Variants in NCOA3 observed in about 807,000 individuals in gnomAD.
NCOA3 encodes CBP-interacting protein.
A neutral mutation model predicts 158.8 loss-of-function variants in NCOA3; 51 were observed. That is an observed-to-expected ratio of 0.32 (90% CI 0.26 to 0.41). The LOEUF (loss-of-function observed/expected upper bound fraction) is 0.41, where lower values mean the gene tolerates loss of function less well. Ranked by LOEUF, NCOA3 falls within the 10% of genes least tolerant of loss-of-function variation. The pLI is 1.00. For synonymous variants in NCOA3, 537 were observed against 592.4 expected (o/e 0.91, Z 1.36); for missense variants, 1,510 against 1,746.6 (o/e 0.86, Z 2.41).
chr20:47,528,924 G>A (rs1019315128), intron 1 of NCOA3, among the ~76,000 whole-genome samples: 6 of 151,514 alleles, frequency 4.0e-5, no homozygotes, highest in African/African-American at 1.5e-4. Flanking sequence ...CAGCCACCAC[G>A]TCCAGCTAAT....
intron 1 of NCOA3, among the ~76,000 whole-genome samples, chr20:47,524,274 A>T (rs1043304429): frequency 1.4e-5 from 2 of 146,390 alleles, no homozygotes; most frequent in Non-Finnish European, 3.0e-5. Context: ...ATCTTTTCTA[A>T]CATACCTGTT....
At position 47,636,043 on chromosome 20, in the gene NCOA3, A is replaced by C; in HGVS notation, c.1657A>C (p.Asn553His). The C allele has an allele frequency of 6.2e-7, 1 of 1,614,154 alleles. No homozygotes were observed. The highest frequency in any genetic ancestry group is 8.5e-7 in the Non-Finnish European group (1 of 1,180,018). Residue 553 changes from asparagine (N) to histidine (H), a missense_variant, in exon 12 of 23, where the codon AAT becomes CAT. By Grantham distance (68) the Asn-to-His change is moderately conservative. This residue lies in a region of NCOA3 where 1,017 missense variants were observed against 1,098.3 expected (regional missense o/e 0.93). Coordinates refer to ENST00000371998, the MANE Select transcript of NCOA3 (RefSeq NM_181659.3). Reference sequence around the variant, plus strand: ...AGGCCCCAAATTGGATAACTCTCCCAATATGAATATTACCCAACCAAGTAA... The same window carrying C: ...AGGCCCCAAATTGGATAACTCTCCCCATATGAATATTACCCAACCAAGTAA... ...SPGPKLDNSP[N>H]MNITQPSKVS...
Position 47,512,935 on chromosome 20 carries a change from T to C in NCOA3, c.-99+10916T>C, listed in dbSNP as rs570387558. On this transcript the variant is annotated intron_variant, in intron 1 of 22. Coordinates refer to ENST00000371998, the MANE Select transcript of NCOA3 (RefSeq NM_181659.3). The stretch of plus-strand genomic sequence containing the variant: ...CACTTTGGAAGGCTGAGGTGGGGGA[T>C]CACTTGAGATCAGGAGTTTGAGACC... 2.0e-5 allele frequency among the ~76,000 whole-genome samples: 3 copies of C among 152,076 alleles called. No individual in the cohort carries two copies. The South Asian group carries it at 6.2e-4, about 32-fold the overall frequency.
At chr20:47,616,989 C>G (rs2086150125) in intron 2 of NCOA3, among the ~76,000 whole-genome samples, 1 of 152,134 alleles carries the variant, frequency 6.6e-6, no homozygotes, top group South Asian at 2.1e-4. Context: ...GAGTCTCACT[C>G]TGTCATCCAG....
At chr20:47,653,306 C>A in intron 22 of NCOA3, 100 bp from the exon 23 acceptor site, 1 of 1,409,584 alleles carries the variant, frequency 7.1e-7, no homozygotes, top group Non-Finnish European at 9.8e-7. Context: ...GCCAGAGCTG[C>A]ACTGTAAGCC....
intron 1 of NCOA3, 127 bp downstream of exon 1, chr20:47,502,146 CGCCG>C (rs2083942274): frequency 2.5e-6 from 1 of 397,304 alleles, no homozygotes; most frequent in Non-Finnish European, 4.4e-6. Flanking sequence ...CTGAGGGGCG[CGCCG>C]GCCGGGGGAC....
At chr20:47,525,223 CAT>C (rs1401236384) in intron 1 of NCOA3, among the ~76,000 whole-genome samples, 1 of 151,768 alleles carries the variant, frequency 6.6e-6, no homozygotes, top group Non-Finnish European at 1.5e-5. Context: ...GGACACAGCA[CAT>C]GTTTCAGAGA....
At chr20:47,561,745 A>G (rs1175340358) in intron 1 of NCOA3, among the ~76,000 whole-genome samples, 1 of 152,172 alleles carries the variant, frequency 6.6e-6, no homozygotes, top group Non-Finnish European at 1.5e-5. Flanking sequence ...GATTTGTTAT[A>G]GTTGATGAAT....
In NCOA3 at chr20:47,606,948, A is replaced by G. The variant is rs905106723; in HGVS notation, c.-19-15281A>G. On this transcript the variant is annotated intron_variant, in intron 2 of 22. Coordinates refer to ENST00000371998, the MANE Select transcript of NCOA3 (RefSeq NM_181659.3). The stretch of plus-strand genomic sequence containing the variant: ...AGCCTTTTATTACTTTCCTGATGAG[A>G]TGGGTGGTGACATTAATGAATGTGG... Among the ~76,000 whole-genome samples, 3 of 152,164 alleles carry G rather than the reference A, an allele frequency of 2.0e-5. No homozygotes were observed. In the South Asian group the frequency reaches 6.2e-4, roughly 32 times the overall value.
chr20:47,647,887 T>G (rs761381287), intron 18 of NCOA3, among the ~76,000 whole-genome samples: 46 of 111,732 alleles, frequency 4.1e-4, no homozygotes, highest in Non-Finnish European at 8.4e-4. Context: ...ATGCCTGAGG[T>G]TTTTTTTTTG....
intron 1 of NCOA3, among the ~76,000 whole-genome samples, chr20:47,554,759 T>C (rs2146165203): frequency 6.6e-6 from 1 of 152,150 alleles, no homozygotes; most frequent in East Asian, 1.9e-4. Flanking sequence ...GAAGAATCAA[T>C]ATCGTGAAAA....
intron 17 of NCOA3, among the ~76,000 whole-genome samples, chr20:47,643,978 G>A (rs1377537690): frequency 1.3e-5 from 2 of 150,502 alleles, no homozygotes; most frequent in African/African-American, 2.4e-5. Flanking sequence ...TCTTGGTATG[G>A]GTCTTTTTTC....
chr20:47,647,000 CT>C, intron 17 of NCOA3, 72 bp from the exon 18 acceptor site: 1 of 1,437,282 alleles, frequency 7.0e-7, no homozygotes, highest in Non-Finnish European at 9.5e-7. Flanking sequence ...GTTTTTTGCA[CT>C]TTCTTTAGAG....
At position 47,649,020 on chromosome 20, in the gene NCOA3, C is replaced by A. The variant is rs997500795; in HGVS notation, c.3562C>A (p.Arg1188=). ...CTCACCTCAGTTTTTGAATCAGAGC[C>A]GACAGGCACTTGAATTGAAAATGGA... is the stretch of plus-strand genomic sequence containing the variant. ...LQGQQFLNQS[R]QALELKMENP... The change falls in exon 19 of 23, where the codon CGA becomes AGA. Residue 1188 remains arginine, a synonymous_variant. Coordinates refer to ENST00000371998, the MANE Select transcript of NCOA3 (RefSeq NM_181659.3). 1.9e-6 allele frequency: 3 copies of A among 1,612,906 alleles called. No homozygotes were observed. The highest frequency in any genetic ancestry group is 2.5e-6 in the Non-Finnish European group (3 of 1,179,244).
intron 1 of NCOA3, among the ~76,000 whole-genome samples, chr20:47,519,969 G>A (rs2084299735): frequency 6.8e-6 from 1 of 147,742 alleles, no homozygotes; most frequent in Non-Finnish European, 1.5e-5. Flanking sequence ...TCACCATGTT[G>A]GTCAGGCTGG....
intron 1 of NCOA3, among the ~76,000 whole-genome samples, chr20:47,531,449 G>A (rs2084545743): frequency 3.3e-5 from 5 of 152,176 alleles, no homozygotes; most frequent in Admixed American, 3.3e-4. Flanking sequence ...TCAAAGTGAT[G>A]AAACAGATGT....
intron 2 of NCOA3, among the ~76,000 whole-genome samples, chr20:47,615,984 C>T (rs1449561513): frequency 6.6e-6 from 1 of 151,718 alleles, no homozygotes; most frequent in African/African-American, 2.4e-5. Context: ...ATGGTGAAAC[C>T]CCATCTCTAC....
intron 1 of NCOA3, among the ~76,000 whole-genome samples, chr20:47,514,713 CTTTTTTTTTTTT>C (rs143888226): frequency 9.5e-6 from 1 of 104,998 alleles, no homozygotes; most frequent in Non-Finnish European, 1.9e-5. Context: ...TTGTTTTTTG[CTTTTTTTTTTTT>C]TTTTTTTTTG....
rs778972158 is a variant in NCOA3, at chr20:47,639,055, C to T, written c.2560C>T (p.Arg854Ter). The T allele has an allele frequency of 5.0e-6, 8 of 1,613,976 alleles. No homozygotes were observed. The highest frequency in any genetic ancestry group is 1.3e-5 in the African/African-American group (1 of 74,900). The change falls in exon 14 of 23, where the codon CGA becomes TGA. Residue 854 changes from arginine (R) to a stop codon, truncating the protein, a stop_gained. Coordinates refer to ENST00000371998, the MANE Select transcript of NCOA3 (RefSeq NM_181659.3). LOFTEE classifies it high-confidence loss of function. ...GCAGTCTATTCGTCCTCCATATAACCGAGCAGTGTCTCTGGATAGCCCTGT... is the reference window on the plus strand; with the variant it reads ...GCAGTCTATTCGTCCTCCATATAACTGAGCAGTGTCTCTGGATAGCCCTGT... The part of the protein sequence containing the change: ...SVQSIRPPYN[R>*]AVSLDSPVSV...
Sources: gnomAD v4.1 joint callset for allele counts (sites outside exome capture counted in the v4.1 genomes callset) on GRCh38, gnomAD v4.1.1 for gene constraint, gnomAD v4.1.1 regional missense constraint, MANE v1.5 for transcripts, NCBI Gene and HGNC (gene_info 2026-07-23, HGNC 2026-07-21) for gene names.